LHFPL3: variants seen among roughly 807,000 people sequenced by gnomAD.
LHFPL3 encodes the protein LHFPL tetraspan subfamily member 3 protein.
A neutral mutation model predicts 19.3 loss-of-function variants in LHFPL3; 5 were observed. The ratio of observed to expected loss-of-function variants is 0.26; its 90% confidence interval spans 0.14 to 0.54. LHFPL3 has a LOEUF of 0.54. Among genes scored for constraint, LHFPL3 ranks in the 20% least tolerant of loss-of-function variants. The pLI is 0.94. For missense variants in LHFPL3, 249 were observed against 307.4 expected, an observed-to-expected ratio of 0.81 and a Z score of 1.42; for synonymous variants, 133 against 126.2, an observed-to-expected ratio of 1.05 and a Z score of -0.36.
At chr7:104,552,783 A>G (rs1165799639) in intron 1 of LHFPL3, among the ~76,000 whole-genome samples, 1 of 152,244 alleles carries the variant, frequency 6.6e-6, no homozygotes, top group Non-Finnish European at 1.5e-5. Flanking sequence ...TAATTTACAG[A>G]ATCCAATGAA....
chr7:104,544,112 T>G (rs1794538319), intron 1 of LHFPL3, among the ~76,000 whole-genome samples: 1 of 151,854 alleles, frequency 6.6e-6, no homozygotes, highest in Non-Finnish European at 1.5e-5. Context: ...CTGATTTTAA[T>G]TATTCTAACT....
At chr7:104,839,926 C>T (rs1476287539) in intron 2 of LHFPL3, among the ~76,000 whole-genome samples, 3 of 152,038 alleles carry the variant, frequency 2.0e-5, no homozygotes, top group African/African-American at 7.3e-5. Flanking sequence ...CCCTAACAGG[C>T]TCTCACTTGT....
chr7:104,709,759 C>A (rs374363574), intron 1 of LHFPL3, among the ~76,000 whole-genome samples: 5 of 151,438 alleles, frequency 3.3e-5, no homozygotes, highest in Non-Finnish European at 1.5e-5. Flanking sequence ...ACCTCCCAGA[C>A]GGGGTGGCGG....
intron 2 of LHFPL3, among the ~76,000 whole-genome samples, chr7:104,883,794 A>G (rs1792097084): frequency 6.6e-6 from 1 of 152,248 alleles, no homozygotes; most frequent in East Asian, 1.9e-4. Context: ...GGGAGCTAGG[A>G]CTCAGTTCAT....
intron 1 of LHFPL3, among the ~76,000 whole-genome samples, chr7:104,559,665 C>A (rs1020209045): frequency 2.6e-5 from 4 of 152,074 alleles, no homozygotes; most frequent in African/African-American, 7.3e-5. Flanking sequence ...AACTGAATAC[C>A]CTTTATTTCC....
At chr7:104,642,923 T>A (rs1247902447) in intron 1 of LHFPL3, among the ~76,000 whole-genome samples, 2 of 152,264 alleles carry the variant, frequency 1.3e-5, no homozygotes, top group African/African-American at 4.8e-5. Flanking sequence ...TTTAATCTTG[T>A]GATACACAGT....
chr7:104,517,032 T>C (rs1160123890), intron 1 of LHFPL3, among the ~76,000 whole-genome samples: 2 of 152,134 alleles, frequency 1.3e-5, no homozygotes, highest in Admixed American at 6.5e-5. Flanking sequence ...CTTAGCGGAC[T>C]AATGCAGGAA....
intron 2 of LHFPL3, among the ~76,000 whole-genome samples, chr7:104,788,223 T>G (rs1231588371): frequency 6.6e-6 from 1 of 152,158 alleles, no homozygotes; most frequent in East Asian, 1.9e-4. Context: ...TAATTTATAG[T>G]CTAATAAACA....
intron 2 of LHFPL3, chr7:104,845,345 C>A: frequency 8.3e-7 from 1 of 1,205,434 alleles, no homozygotes; most frequent in Non-Finnish European, 1.2e-6. Flanking sequence ...TCTTATTTTA[C>A]CTTTAACCGT....
intron 1 of LHFPL3, among the ~76,000 whole-genome samples, chr7:104,585,272 C>A (rs183010171): frequency 6.6e-6 from 1 of 152,122 alleles, no homozygotes; most frequent in East Asian, 1.9e-4. Context: ...AGGACTCTAC[C>A]CAAGAAAACC....
chr7:104,370,990 A>G (rs1215870173), intron 1 of LHFPL3, among the ~76,000 whole-genome samples: 7 of 152,212 alleles, frequency 4.6e-5, no homozygotes, highest in Non-Finnish European at 8.8e-5. Flanking sequence ...ATGGCTCTGG[A>G]GCCCATTTTC....
chr7:104,783,798 G>A (rs542375566), intron 2 of LHFPL3, among the ~76,000 whole-genome samples: 1 of 152,090 alleles, frequency 6.6e-6, no homozygotes, highest in Non-Finnish European at 1.5e-5. Flanking sequence ...TCCATTGCTT[G>A]TATTTTAGTA....
At chr7:104,599,970 C>T (rs2115689287) in intron 1 of LHFPL3, among the ~76,000 whole-genome samples, 1 of 152,314 alleles carries the variant, frequency 6.6e-6, no homozygotes, top group Admixed American at 6.5e-5. Flanking sequence ...ACTTCCCTGG[C>T]CCTTCAACTC....
chr7:104,451,521 G>A (rs10236842), intron 1 of LHFPL3, among the ~76,000 whole-genome samples: 141,268 of 152,270 alleles, frequency 0.93, 65,548 homozygotes, highest in East Asian at 1. Context: ...ACATAAAAAC[G>A]ATCAAACGAT....
chr7:104,752,036 G>C (rs537511498), intron 2 of LHFPL3, among the ~76,000 whole-genome samples: 3 of 152,054 alleles, frequency 2.0e-5, no homozygotes, highest in African/African-American at 7.3e-5. Context: ...AAGTTCAGCC[G>C]GCGGCCAGTA....
At chr7:104,430,463 T>TA (rs1791978805) in intron 1 of LHFPL3, among the ~76,000 whole-genome samples, 1 of 25,428 alleles carries the variant, frequency 3.9e-5, no homozygotes, top group Non-Finnish European at 6.9e-5. Flanking sequence ...TATTTTTTTT[T>TA]TTTTTTTTTT....
chr7:104,905,114 C>G (rs995660761), intron 2 of LHFPL3, among the ~76,000 whole-genome samples: 31 of 151,884 alleles, frequency 2.0e-4, no homozygotes, highest in Admixed American at 1.8e-3. Flanking sequence ...CCACCACACT[C>G]GGCTAATTTT....
chr7:104,521,164 T>C (rs1035007193), intron 1 of LHFPL3, among the ~76,000 whole-genome samples: 1 of 152,172 alleles, frequency 6.6e-6, no homozygotes, highest in African/African-American at 2.4e-5. Context: ...TTCTCGTTGG[T>C]TTCAAAGAAC....
chr7:104,646,257 G>A (rs539043526), intron 1 of LHFPL3, among the ~76,000 whole-genome samples: 15 of 152,298 alleles, frequency 9.8e-5, no homozygotes, highest in African/African-American at 1.4e-4. Flanking sequence ...CAGCTATTCC[G>A]TTGACAAACA....
Sources: gnomAD v4.1 joint callset for allele counts (sites outside exome capture counted in the v4.1 genomes callset) on GRCh38, gnomAD v4.1.1 for gene constraint, MANE v1.5 for transcripts, NCBI Gene and HGNC (gene_info 2026-07-23, HGNC 2026-07-21) for gene names.